The following DNAH2 variants were observed in gnomAD, a reference collection of about 807,000 sequenced individuals.
DNAH2 encodes axonemal beta dynein heavy chain 2.
DNAH2 carries 323 observed loss-of-function variants against 523.5 expected under a neutral mutation model. The ratio of observed to expected loss-of-function variants is 0.62; its 90% confidence interval spans 0.56 to 0.68. DNAH2 has a LOEUF of 0.68. Among genes scored for constraint, DNAH2 ranks in the 30% least tolerant of loss-of-function variants. The pLI is 0.00. For synonymous variants in DNAH2, 2,093 were observed against 2,177.4 expected (o/e 0.96, Z 1.08); for missense variants, 4,907 against 5,701.5 (o/e 0.86, Z 4.49).
intron 35 of DNAH2, among the ~76,000 whole-genome samples, chr17:7,778,730 G>A (rs537406535): frequency 2.6e-5 from 4 of 152,100 alleles, no homozygotes; most frequent in Admixed American, 6.5e-5. Context: ...CACCAAGCCC[G>A]GAGAATTTTT....
chr17:7,791,049 T>TATCC lies in DNAH2; in HGVS notation c.6901-865_6901-862dup, dbSNP rs1449815376. 3.3e-5 allele frequency among the ~76,000 whole-genome samples: 5 copies of TATCC among 152,114 alleles called. No homozygotes were observed. In the South Asian group the frequency reaches 1.0e-3, roughly 32 times the overall value. ...ACACCTTTACCTATAATACCATGGG[T>TATCC]ATCCATAGAAAATATGTTTTTTGTT... On this transcript the variant is annotated intron_variant, in intron 44 of 85. Coordinates refer to ENST00000572933, the MANE Select transcript of DNAH2 (RefSeq NM_020877.5).
intron 12 of DNAH2, among the ~76,000 whole-genome samples, chr17:7,751,669 C>G (rs568538876): frequency 1.3e-5 from 2 of 152,026 alleles, no homozygotes; most frequent in Non-Finnish European, 2.9e-5. Context: ...TTGGGATTCT[C>G]TATTCTGGTA....
chr17:7,764,364 A>G, intron 20 of DNAH2, 91 bp downstream of exon 20: 1 of 1,467,342 alleles, frequency 6.8e-7, no homozygotes, highest in Non-Finnish European at 9.2e-7. Context: ...AGAGTAGAGA[A>G]GTGACAGCAG....
Position 7,754,648 on chromosome 17 carries a change from G to A in DNAH2, c.1905-2443G>A, listed in dbSNP as rs2075785367. 1.4e-6 allele frequency: 2 copies of A among 1,404,566 alleles called. No homozygotes were observed. The highest frequency in any genetic ancestry group is 1.2e-5 in the South Asian group (1 of 86,586). 87.0% of individuals were successfully genotyped at this position (1,404,566 alleles called of 1,614,324 possible). ...GAGGTTAAGCCCAAGATCCCAAAGG[G>A]TGTCAGCCATAAACTTGATCGACTT... On this transcript the variant is annotated intron_variant, in intron 12 of 85. Transcript: ENST00000572933. This position sits in a 1 kb window ranked among gnomAD's most constrained non-coding sequence, Gnocchi z 4.6.
intron 3 of DNAH2, among the ~76,000 whole-genome samples, chr17:7,725,278 C>T (rs113126700): frequency 0.28 from 42,057 of 149,038 alleles, 6,672 homozygotes; most frequent in Non-Finnish European, 0.37. Context: ...TTAGTAGAGA[C>T]GGGGTTTCAT....
At chr17:7,741,672 C>CTT (rs1226865515) in intron 11 of DNAH2, among the ~76,000 whole-genome samples, 2 of 133,482 alleles carry the variant, frequency 1.5e-5, no homozygotes, top group African/African-American at 5.7e-5. Context: ...TTTCTTTTTT[C>CTT]TTTTTTTCTG....
At chr17:7,737,507 G>A (rs1349691192) in intron 8 of DNAH2, among the ~76,000 whole-genome samples, 2 of 152,214 alleles carry the variant, frequency 1.3e-5, no homozygotes, top group Non-Finnish European at 2.9e-5. Context: ...CTTCAGAAGA[G>A]GAGTTGGTGG....
rs546639375 is a variant in DNAH2, at chr17:7,733,359, C to T, written c.628+44C>T. 9.7e-5 allele frequency: 155 copies of T among 1,591,800 alleles called. 5 individuals are homozygous for T. The South Asian group carries it at 1.6e-3, about 17-fold the overall frequency. On this transcript the variant is annotated intron_variant, in intron 5 of 85. Transcript: ENST00000572933. The stretch of plus-strand genomic sequence containing the variant: ...GTGACTAGTTTCTCCTTAGTGTCCC[C>T]CAACTGTACAACTAGTGAAGTGGTG...
At position 7,817,884 on chromosome 17, in the gene DNAH2, C is replaced by G. The variant is rs371965350; in HGVS notation, c.10236+28C>G. ...GTGAGGCTGGGGGGTCAGGTTAGCC[C>G]CCCCCTTCCTGAGGCCCCACCTCTC... On this transcript the variant is annotated intron_variant, in intron 67 of 85. Transcript: ENST00000572933. 604 of 1,613,882 alleles carry G rather than the reference C, an allele frequency of 3.7e-4. 1 individual carries two copies. Among genetic ancestry groups the G allele is most frequent in the Non-Finnish European group, 4.6e-4 (540 of 1,179,940 alleles).
In DNAH2 at chr17:7,754,566, A is replaced by C. The variant is rs1300883288; in HGVS notation, c.1905-2525A>C. 3.4e-6 allele frequency: 5 copies of C among 1,453,316 alleles called. No individual in the cohort carries two copies. Among genetic ancestry groups the C allele is most frequent in the Non-Finnish European group, 3.8e-6 (4 of 1,051,306 alleles). The allele number at this position is 1,453,316 out of a possible 1,614,324, so 90.0% of individuals were successfully genotyped here. A position where few individuals can be genotyped will look rare whatever the true frequency, so the allele number is the denominator to read the frequency against. ...GGGCCTAAAGAAGATGCACACCAAC[A>C]ATGCCAAGGCCATGAGTCCACGTGC... On this transcript the variant is annotated intron_variant, in intron 12 of 85. Transcript: ENST00000572933. The surrounding 1 kb of genome is among the most constrained non-coding windows in gnomAD (Gnocchi z 4.6).
intron 44 of DNAH2, among the ~76,000 whole-genome samples, chr17:7,791,443 T>G (rs964932975): frequency 3.3e-5 from 5 of 152,172 alleles, no homozygotes; most frequent in Non-Finnish European, 7.3e-5. Context: ...TAACAATATG[T>G]TTTTGAGTTC....
chr17:7,798,774 C>T lies in DNAH2; in HGVS notation c.8559+56C>T. 3 of 1,568,310 alleles carry T rather than the reference C, an allele frequency of 1.9e-6. No individual in the cohort carries two copies. The highest frequency in any genetic ancestry group is 2.6e-6 in the Non-Finnish European group (3 of 1,156,912). ...AGTTCTTTGGCCTGCCTAGCTGACCCCAGAAGGACCACAGCTCCCAGAATG... is the reference window on the plus strand; with the variant it reads ...AGTTCTTTGGCCTGCCTAGCTGACCTCAGAAGGACCACAGCTCCCAGAATG... On this transcript the variant is annotated intron_variant, in intron 55 of 85. Transcript: ENST00000572933. This position sits in a 1 kb window ranked among gnomAD's most constrained non-coding sequence, Gnocchi z 5.5.
Position 7,770,311 on chromosome 17 carries a change from T to A in DNAH2, c.4001T>A (p.Phe1334Tyr). The A allele has an allele frequency of 1.9e-6, 3 of 1,613,870 alleles. No individual in the cohort carries two copies. The highest frequency in any genetic ancestry group is 2.5e-6 in the Non-Finnish European group (3 of 1,179,934). Residue 1334 changes from phenylalanine (F) to tyrosine (Y), a missense_variant, in exon 25 of 86, where the codon TTC becomes TAC. Phe to Tyr is a conservative substitution (Grantham distance 22). Around this residue, in one of 3 missense-constraint regions of DNAH2, gnomAD observed 2,806 missense variants for 3,190.8 expected, o/e 0.88. Transcript: ENST00000572933. ...QREFDQESES[F>Y]TLEQIVELGM... ...GAGTTTGATCAGGAATCTGAAAGCT[T>A]CACCTTGGAGCAGATTGTGGAGCTT... is the stretch of plus-strand genomic sequence containing the variant.
rs141149043 is a variant in DNAH2, at chr17:7,768,033, G to C, written c.3809G>C (p.Arg1270Pro). The C allele has an allele frequency of 5.6e-6, 9 of 1,613,980 alleles. No homozygotes were observed. The Admixed American group carries it at 1.0e-4, about 18-fold the overall frequency. The change falls in exon 23 of 86, where the codon CGC becomes CCC. Residue 1270 changes from arginine (R) to proline (P), a missense_variant. Around this residue, in one of 3 missense-constraint regions of DNAH2, gnomAD observed 2,806 missense variants for 3,190.8 expected, o/e 0.88. Transcript: ENST00000572933. ...METTAHGLFR[R>P]LTKLAKEYKD... ...ACCACGGCCCACGGGCTGTTTCGTCGCCTCACAAAATTAGCCAAAGAGTAT... is the reference window on the plus strand; with the variant it reads ...ACCACGGCCCACGGGCTGTTTCGTCCCCTCACAAAATTAGCCAAAGAGTAT...
chr17:7,745,793 C>CAAAAAAAAAAAAAA (rs5819164), intron 12 of DNAH2, among the ~76,000 whole-genome samples: 1 of 123,792 alleles, frequency 8.1e-6, no homozygotes, highest in Non-Finnish European at 1.7e-5. Flanking sequence ...CTGTCTCAAA[C>CAAAAAAAAAAAAAA]AAAAAAAAAA....
chr17:7,725,984 T>G (rs1391359709), intron 3 of DNAH2, among the ~76,000 whole-genome samples: 1 of 151,976 alleles, frequency 6.6e-6, no homozygotes, highest in Non-Finnish European at 1.5e-5. Context: ...TCTTCATATC[T>G]TCTGATTTCC....
chr17:7,773,009 A>G (rs1405034430), intron 28 of DNAH2, among the ~76,000 whole-genome samples: 2 of 152,248 alleles, frequency 1.3e-5, no homozygotes, highest in Non-Finnish European at 2.9e-5. Context: ...CCTGACCTCA[A>G]GTGATCCACC....
rs150100114 is a variant in DNAH2 at position 7,745,526 on chromosome 17, T to C, written c.1904+2384T>C. ...AAATAAAAGTTAAATTTAAAAAAAA[T>C]GCCATATGTGGCTGGCGCAGTGGCT... On this transcript the variant is annotated intron_variant, in intron 12 of 85. Transcript: ENST00000572933. Among the ~76,000 whole-genome samples, 524 of 151,732 alleles carry C rather than the reference T, an allele frequency of 3.5e-3. 2 individuals are homozygous for C. Among genetic ancestry groups the C allele is most frequent in the Non-Finnish European group, 5.6e-3 (377 of 67,896 alleles).
chr17:7,792,277 A>C lies in DNAH2; in HGVS notation c.7079A>C (p.Asp2360Ala). The part of the protein sequence containing the change: ...NKDTVYEYFV[D>A]PKIRSWTSFE... ...GACACGGTATATGAGTATTTTGTGG[A>C]CCCCAAAATACGGAGTTGGACATCA... Residue 2360 changes from aspartate (D) to alanine (A), a missense_variant, in exon 46 of 86, where the codon GAC becomes GCC. Asp to Ala is a moderately radical substitution (Grantham distance 126). Coordinates refer to ENST00000572933, the MANE Select transcript of DNAH2 (RefSeq NM_020877.5). 6.2e-7 allele frequency: 1 copy of C among 1,613,660 alleles called. No homozygotes were observed. Among genetic ancestry groups the C allele is most frequent in the African/African-American group, 1.3e-5 (1 of 74,858 alleles).
Sources: gnomAD v4.1 joint callset for allele counts (sites outside exome capture counted in the v4.1 genomes callset) on GRCh38, gnomAD v4.1.1 for gene constraint, gnomAD v4.1.1 regional missense constraint, Gnocchi (gnomAD v3.1) non-coding constraint, MANE v1.5 for transcripts, NCBI Gene and HGNC (gene_info 2026-07-23, HGNC 2026-07-21) for gene names.